The following SMO variants were observed in gnomAD, a reference collection of about 807,000 sequenced individuals.
SMO encodes the protein protein smoothened.
Under a neutral mutation model 81.6 loss-of-function variants are expected in SMO, and 40 were observed. The observed-to-expected ratio is 0.49, with a 90% confidence interval of 0.38 to 0.64. The LOEUF (loss-of-function observed/expected upper bound fraction) is 0.64, where lower values mean the gene tolerates loss of function less well. Ranked by LOEUF, SMO falls within the 30% of genes least tolerant of loss-of-function variation. The probability of loss-of-function intolerance (pLI) is 0.00; values close to 1 mark genes in which losing one functional copy is unlikely to be tolerated. For missense variants in SMO, 916 were observed against 1,061.1 expected (o/e 0.86, Z 1.90); for synonymous variants, 434 against 432.1 (o/e 1.00, Z -0.05).
Position 129,205,850 on chromosome 7 carries a change from G to A in SMO, c.920+68G>A, listed in dbSNP as rs116744883. 2,425 of 1,462,122 alleles carry A rather than the reference G, an allele frequency of 1.7e-3. 30 individuals carry two copies. In the African/African-American group the frequency reaches 0.029, roughly 17 times the overall value. The allele number at this position is 1,462,122 out of a possible 1,614,324, so 90.6% of individuals were successfully genotyped here. A position where few individuals can be genotyped will look rare whatever the true frequency, so the allele number is the denominator to read the frequency against. ...GGCTGAAGTGTGCGTTTACCCCAAA[G>A]GGAGCAGGTGCGTGTAAAACCGAGA... On this transcript the variant is annotated intron_variant, in intron 4 of 11. Transcript: ENST00000249373.
chr7:129,205,480 G>C, intron 3 of SMO, 68 bp downstream of exon 3: 1 of 1,559,606 alleles, frequency 6.4e-7, no homozygotes, highest in Non-Finnish European at 8.8e-7. Context: ...CAGAGGGAAG[G>C]GGGGCAAAGA....
At position 129,206,067 on chromosome 7, in the gene SMO, G is replaced by A. The variant is rs901798538; in HGVS notation, c.921-83G>A. On this transcript the variant is annotated intron_variant, in intron 4 of 11. Transcript: ENST00000249373. This position sits in a 1 kb window ranked among gnomAD's most constrained non-coding sequence, Gnocchi z 4.4. Reference sequence around the variant, plus strand: ...TGGGAACCTCCAGACCTCAGCAGCTGAGGGTCTGGGCACAGGGTGGGGAGA... The same window carrying A: ...TGGGAACCTCCAGACCTCAGCAGCTAAGGGTCTGGGCACAGGGTGGGGAGA... 1.3e-5 allele frequency: 15 copies of A among 1,173,864 alleles called. No individual in the cohort carries two copies. Among genetic ancestry groups the A allele is most frequent in the African/African-American group, 3.1e-5 (2 of 65,110 alleles). The allele number at this position is 1,173,864 out of a possible 1,614,324, so 72.7% of individuals were successfully genotyped here. A position where few individuals can be genotyped will look rare whatever the true frequency, so the allele number is the denominator to read the frequency against.
At chr7:129,201,003 C>G (rs2150645246) in intron 1 of SMO, among the ~76,000 whole-genome samples, 1 of 151,900 alleles carries the variant, frequency 6.6e-6, no homozygotes, top group South Asian at 2.1e-4. Context: ...TCTCAAAGTG[C>G]TGGGATTACA....
At chr7:129,197,469 C>T (rs571193407) in intron 1 of SMO, among the ~76,000 whole-genome samples, 56 of 152,010 alleles carry the variant, frequency 3.7e-4, no homozygotes, top group Admixed American at 4.6e-4. Flanking sequence ...TCACTGTCAC[C>T]GAGGCTGGAG....
At position 129,210,443 on chromosome 7, in the gene SMO, T is replaced by C. The variant is rs767343673; in HGVS notation, c.1547T>C (p.Leu516Pro). 2 of 1,614,202 alleles carry C rather than the reference T, an allele frequency of 1.2e-6. No individual in the cohort carries two copies. Among genetic ancestry groups the C allele is most frequent in the South Asian group, 2.2e-5 (2 of 91,086 alleles). ...GAGATCAAGAATCGCCCGAGCCTTC[T>C]GGTGGAGAAGATCAACCTGTTTGCC... ...DCEIKNRPSL[L>P]VEKINLFAMF... Residue 516 changes from leucine (L) to proline (P), a missense_variant, in exon 9 of 12, where the codon CTG becomes CCG. By Grantham distance (98) the Leu-to-Pro change is moderately conservative. Coordinates refer to ENST00000249373, the MANE Select transcript of SMO (RefSeq NM_005631.5). This position sits in a 1 kb window ranked among gnomAD's most constrained non-coding sequence, Gnocchi z 4.7.
chr7:129,208,010 A>C lies in SMO; in HGVS notation c.1265-749A>C, dbSNP rs1793802686. Among the ~76,000 whole-genome samples, 1 of 141,096 alleles carries C rather than the reference A, an allele frequency of 7.1e-6. No individual in the cohort carries two copies. Among genetic ancestry groups the C allele is most frequent in the Non-Finnish European group, 1.6e-5 (1 of 63,642 alleles). The allele number at this position is 141,096 out of a possible 152,430, so 92.6% of individuals were successfully genotyped here. ...GTGGGAAAAAAATGTAAAATATCTC[A>C]TTAATAATTTGTTACATGGATTACA... On this transcript the variant is annotated intron_variant, in intron 6 of 11. Transcript: ENST00000249373. The surrounding 1 kb of genome is among the most constrained non-coding windows in gnomAD (Gnocchi z 5.2).
At position 129,189,504 on chromosome 7, in the gene SMO, C is replaced by G. The variant is rs2150638603; in HGVS notation, c.331+22C>G. The G allele has an allele frequency of 1.3e-6, 2 of 1,534,646 alleles. No homozygotes were observed. The highest frequency in any genetic ancestry group is 1.7e-6 in the Non-Finnish European group (2 of 1,146,452). ...TCGGGTAAGTGCGGCGGAGCCGGGT[C>G]TGGGGGGCGGGAGGTGCCGCGGTAA... On this transcript the variant is annotated intron_variant, in intron 1 of 11. Transcript: ENST00000249373. This position sits in a 1 kb window ranked among gnomAD's most constrained non-coding sequence, Gnocchi z 4.7.
intron 1 of SMO, among the ~76,000 whole-genome samples, chr7:129,197,811 A>C (rs1793611041): frequency 6.6e-6 from 1 of 152,084 alleles, no homozygotes; most frequent in Non-Finnish European, 1.5e-5. Flanking sequence ...GCATTGATTG[A>C]ATTTTCTAAT....
chr7:129,208,695 C>A lies in SMO; in HGVS notation c.1265-64C>A. On this transcript the variant is annotated intron_variant, in intron 6 of 11. Coordinates refer to ENST00000249373, the MANE Select transcript of SMO (RefSeq NM_005631.5). The surrounding 1 kb of genome is among the most constrained non-coding windows in gnomAD (Gnocchi z 5.2). ...AGAGCCTTAGGACCCTCCTCCCACT[C>A]ACCCATCCTTCCCAGCAGGGCAGCC... The A allele has an allele frequency of 9.9e-7, 1 of 1,008,486 alleles. No homozygotes were observed. The highest frequency in any genetic ancestry group is 1.6e-6 in the Non-Finnish European group (1 of 637,076). The allele number at this position is 1,008,486 out of a possible 1,614,324, so 62.5% of individuals were successfully genotyped here. A position where few individuals can be genotyped will look rare whatever the true frequency, so the allele number is the denominator to read the frequency against.
chr7:129,208,984 G>C lies in SMO; in HGVS notation c.1357+133G>C. The C allele has an allele frequency of 1.5e-6, 1 of 671,850 alleles. No homozygotes were observed. Among genetic ancestry groups the C allele is most frequent in the Non-Finnish European group, 2.7e-6 (1 of 374,632 alleles). 41.6% of individuals were successfully genotyped at this position (671,850 alleles called of 1,614,324 possible). ...CCATAGGGACAAGGACAAGGGGTGT[G>C]TGTAGGTGGTAGTGGTAGTGGCAGC... On this transcript the variant is annotated intron_variant, in intron 7 of 11. Coordinates refer to ENST00000249373, the MANE Select transcript of SMO (RefSeq NM_005631.5). This position sits in a 1 kb window ranked among gnomAD's most constrained non-coding sequence, Gnocchi z 5.2.
At chr7:129,191,837 CTA>C (rs1793486334) in intron 1 of SMO, among the ~76,000 whole-genome samples, 1 of 152,112 alleles carries the variant, frequency 6.6e-6, no homozygotes, top group Admixed American at 6.6e-5. Context: ...AGCCATGCTT[CTA>C]TTCATGCATT....
chr7:129,206,172 G>A lies in SMO; in HGVS notation c.943G>A (p.Val315Ile), dbSNP rs765279156. The A allele has an allele frequency of 1.6e-5, 25 of 1,609,994 alleles. No homozygotes were observed. Among genetic ancestry groups the A allele is most frequent in the African/African-American group, 2.7e-5 (2 of 74,906 alleles). The change falls in exon 5 of 12, where the codon GTC becomes ATC. Residue 315 changes from valine (V) to isoleucine (I), a missense_variant. Val to Ile is a conservative substitution (Grantham distance 29). Transcript: ENST00000249373. This position sits in a 1 kb window ranked among gnomAD's most constrained non-coding sequence, Gnocchi z 4.4. ...EPTSNETLSCVIIFVIVYYAL... is the reference protein window; with the variant it reads ...EPTSNETLSCIIIFVIVYYAL... The stretch of plus-strand genomic sequence containing the variant: ...CAGCTCCAATGAGACTCTGTCCTGC[G>A]TCATCATCTTTGTCATCGTGTACTA...
rs1793857541 is a variant in SMO, at chr7:129,210,866, G to A, written c.1653-99G>A. The A allele has an allele frequency of 1.8e-5, 24 of 1,367,742 alleles. No individual in the cohort carries two copies. The highest frequency in any genetic ancestry group is 2.1e-5 in the Non-Finnish European group (21 of 1,000,866). The allele number at this position is 1,367,742 out of a possible 1,614,324, so 84.7% of individuals were successfully genotyped here. ...CTTGAAGGACTTGAGGCCCTTGGGA[G>A]CCTCCTTCTCTGGAAAGAATGGCAT... is the stretch of plus-strand genomic sequence containing the variant. On this transcript the variant is annotated intron_variant, in intron 9 of 11. Coordinates refer to ENST00000249373, the MANE Select transcript of SMO (RefSeq NM_005631.5). This position sits in a 1 kb window ranked among gnomAD's most constrained non-coding sequence, Gnocchi z 4.7.
At chr7:129,196,910 A>G (rs1205936474) in intron 1 of SMO, among the ~76,000 whole-genome samples, 2 of 150,390 alleles carry the variant, frequency 1.3e-5, no homozygotes, top group African/African-American at 4.9e-5. Context: ...CCAGCTACTC[A>G]GGAGGCTGAG....
Position 129,210,110 on chromosome 7 carries a change from T to C in SMO, c.1467-253T>C. 2.3e-6 allele frequency: 1 copy of C among 427,426 alleles called. No homozygotes were observed. Among genetic ancestry groups the C allele is most frequent in the East Asian group, 4.3e-5 (1 of 23,500 alleles). The allele number at this position is 427,426 out of a possible 1,614,324, so 26.5% of individuals were successfully genotyped here. A position where few individuals can be genotyped will look rare whatever the true frequency, so the allele number is the denominator to read the frequency against. ...GCACCCAGGGTTGAGATCAGTGCTG[T>C]GGAGCTTAGCCCTTTCTAAAGTTTT... On this transcript the variant is annotated intron_variant, in intron 8 of 11. Transcript: ENST00000249373. The surrounding 1 kb of genome is among the most constrained non-coding windows in gnomAD (Gnocchi z 4.7).
At chr7:129,197,543 T>C (rs1793604637) in intron 1 of SMO, among the ~76,000 whole-genome samples, 2 of 152,140 alleles carry the variant, frequency 1.3e-5, no homozygotes, top group African/African-American at 2.4e-5. Flanking sequence ...TTCTCCTGCC[T>C]CAGCCTCCCA....
chr7:129,193,656 G>A (rs1298709363), intron 1 of SMO, among the ~76,000 whole-genome samples: 1 of 147,998 alleles, frequency 6.8e-6, no homozygotes, highest in East Asian at 2.0e-4. Flanking sequence ...CTGCTTGGGA[G>A]GCTGAGGCAG....
Position 129,213,103 on chromosome 7 carries a change from C to G in SMO, c.*652C>G, listed in dbSNP as rs975909013. ...CCATTTCAGTTCAGTTTCAGCGGTG[C>G]CAACCTCTTTGCGTTTCCTTTTTGT... On this transcript the variant is annotated 3_prime_UTR_variant, in exon 12 of 12. Coordinates refer to ENST00000249373, the MANE Select transcript of SMO (RefSeq NM_005631.5). 1.3e-5 allele frequency: 3 copies of G among 236,140 alleles called. No homozygotes were observed. Among genetic ancestry groups the G allele is most frequent in the Non-Finnish European group, 2.5e-5 (3 of 120,170 alleles). 14.6% of individuals were successfully genotyped at this position (236,140 alleles called of 1,614,324 possible). A position where few individuals can be genotyped will look rare whatever the true frequency, so the allele number is the denominator to read the frequency against.
intron 8 of SMO, chr7:129,210,000 C>T (rs1793842901): frequency 1.0e-5 from 2 of 195,342 alleles, no homozygotes; most frequent in African/African-American, 4.6e-5. Flanking sequence ...ATGCCTGAGT[C>T]TCTGCCCCAG....
Sources: gnomAD v4.1 joint callset for allele counts (sites outside exome capture counted in the v4.1 genomes callset) on GRCh38, gnomAD v4.1.1 for gene constraint, Gnocchi (gnomAD v3.1) non-coding constraint, MANE v1.5 for transcripts, NCBI Gene and HGNC (gene_info 2026-07-23, HGNC 2026-07-21) for gene names.